The following ZNF536 variants were observed in gnomAD, a reference collection of about 807,000 sequenced individuals.
The protein encoded by ZNF536 is zinc finger protein 536.
In ZNF536, 13 loss-of-function variants were observed where a neutral mutation model predicts 84.5. That is an observed-to-expected ratio of 0.15 (90% CI 0.10 to 0.24). The LOEUF is 0.24. Among genes scored for constraint, ZNF536 ranks in the 10% least tolerant of loss-of-function variants. The pLI, the probability that ZNF536 is intolerant of heterozygous loss-of-function variation, is 1.00. For missense variants in ZNF536, 1,536 were observed against 1,747.5 expected (o/e 0.88, Z 2.16); for synonymous variants, 811 against 742.5 (o/e 1.09, Z -1.50).
At chr19:30,313,625 G>C (rs929615059) in intron 2 of ZNF536, among the ~76,000 whole-genome samples, 1 of 152,176 alleles carries the variant, frequency 6.6e-6, no homozygotes, top group Non-Finnish European at 1.5e-5. Flanking sequence ...GTCCAAGGTG[G>C]GGCTTGAAAG....
At chr19:30,254,246 T>C (rs1046317437) in intron 1 of ZNF536, among the ~76,000 whole-genome samples, 44 of 152,262 alleles carry the variant, frequency 2.9e-4, no homozygotes, top group Non-Finnish European at 6.2e-4. Context: ...CCACTATCTC[T>C]CCCCTGGTGC....
chr19:30,299,682 T>C (rs951987480), intron 2 of ZNF536, among the ~76,000 whole-genome samples: 3 of 152,190 alleles, frequency 2.0e-5, no homozygotes, highest in African/African-American at 7.2e-5. Flanking sequence ...CTGAGCAGGT[T>C]TGGTAAAAAT....
upstream of ZNF536, among the ~76,000 whole-genome samples, chr19:30,371,168 G>T (rs1028991570): frequency 6.6e-6 from 1 of 152,204 alleles, no homozygotes; most frequent in Non-Finnish European, 1.5e-5. Context: ...TAACAGTTCT[G>T]CAGTTTGAGA....
intron 1 of ZNF536, among the ~76,000 whole-genome samples, chr19:30,596,971 C>T (rs1410200011): frequency 6.6e-6 from 1 of 152,018 alleles, no homozygotes; most frequent in African/African-American, 2.4e-5. Flanking sequence ...GGGCTGTTTT[C>T]TTTTGCAATG....
chr19:30,291,587 C>T (rs1013381412), intron 2 of ZNF536, among the ~76,000 whole-genome samples: 2 of 152,084 alleles, frequency 1.3e-5, no homozygotes, highest in African/African-American at 4.8e-5. Flanking sequence ...TTCAAGACCC[C>T]ACTCTTAATT....
At position 30,413,265 on chromosome 19, in the gene ZNF536, G is replaced by T. The variant is rs76955796; in HGVS notation, c.-2-30296G>T. On this transcript the variant is annotated intron_variant, in intron 1 of 4. Transcript: ENST00000355537. ...GAATCCCTTCTTACTTTCATCAGGT[G>T]TATTTTTATTACCCCCCTCCCTAGT... Among the ~76,000 whole-genome samples the T allele has an allele frequency of 6.8e-3, 1,039 of 152,074 alleles. 13 individuals are homozygous for T. The highest frequency in any genetic ancestry group is 0.022 in the African/African-American group (915 of 41,498).
intron 1 of ZNF536, among the ~76,000 whole-genome samples, chr19:30,597,063 C>T (rs766553107): frequency 6.6e-6 from 1 of 152,130 alleles, no homozygotes; most frequent in Non-Finnish European, 1.5e-5. Context: ...TCAATTGTTA[C>T]TTAATCCCTT....
At chr19:30,510,526 C>T (rs2055365036) in intron 2 of ZNF536, among the ~76,000 whole-genome samples, 1 of 152,172 alleles carries the variant, frequency 6.6e-6, no homozygotes, top group African/African-American at 2.4e-5. Flanking sequence ...GCAGTGATAG[C>T]TTTAGGGAGG....
At chr19:30,375,654 T>A (rs2048788742) in intron 1 of ZNF536, among the ~76,000 whole-genome samples, 1 of 152,208 alleles carries the variant, frequency 6.6e-6, no homozygotes, top group African/African-American at 2.4e-5. Context: ...GGCATGAGTG[T>A]ACATGGCGTG....
intron 1 of ZNF536, among the ~76,000 whole-genome samples, chr19:30,700,475 ACTCTTGGG>A (rs1219605874): frequency 1.3e-5 from 2 of 151,612 alleles, no homozygotes; most frequent in East Asian, 3.9e-4. Flanking sequence ...GCAATCTCCA[ACTCTTGGG>A]CTCAAGTGAC....
intron 1 of ZNF536, among the ~76,000 whole-genome samples, chr19:30,261,297 CAAA>C (rs66862950): frequency 4.2e-5 from 1 of 23,574 alleles, no homozygotes; most frequent in Non-Finnish European, 8.3e-5. Flanking sequence ...GACTCCGTCT[CAAA>C]AAAAAAAAAA....
intron 1 of ZNF536, among the ~76,000 whole-genome samples, chr19:30,430,045 G>A (rs190623795): frequency 6.6e-6 from 1 of 151,650 alleles, no homozygotes; most frequent in Admixed American, 6.6e-5. Flanking sequence ...GGTGTGAAGG[G>A]TGGGGGAGGG....
At chr19:30,443,509 A>G (rs2148141578) in intron 1 of ZNF536, 52 bp from the exon 2 acceptor site, 1 of 1,499,812 alleles carries the variant, frequency 6.7e-7, no homozygotes, top group Non-Finnish European at 8.9e-7. Flanking sequence ...CTGTTGATTC[A>G]TGGCGCCACA....
intron 1 of ZNF536, among the ~76,000 whole-genome samples, chr19:30,245,615 C>G (rs1243547712): frequency 6.6e-6 from 1 of 152,214 alleles, no homozygotes; most frequent in African/African-American, 2.4e-5. Flanking sequence ...GACTCTCTCC[C>G]AGCCCACCAC....
intron 1 of ZNF536, among the ~76,000 whole-genome samples, chr19:30,584,617 C>T (rs1385087759): frequency 5.3e-5 from 8 of 152,184 alleles, no homozygotes; most frequent in Admixed American, 6.5e-5. Flanking sequence ...GTCCAGCCTT[C>T]GGGATTAGCT....
At chr19:30,534,200 C>T (rs2044975362) in intron 2 of ZNF536, among the ~76,000 whole-genome samples, 1 of 152,180 alleles carries the variant, frequency 6.6e-6, no homozygotes, top group Admixed American at 6.6e-5. Flanking sequence ...GCAGCTGAGT[C>T]TCTGCATATG....
intron 1 of ZNF536, among the ~76,000 whole-genome samples, chr19:30,601,204 C>G (rs142686598): frequency 5.4e-4 from 83 of 152,314 alleles, no homozygotes; most frequent in Non-Finnish European, 1.0e-3. Context: ...GACTAGACAG[C>G]TAAAGTGATT....
chr19:30,410,827 T>C (rs539104857), intron 1 of ZNF536, among the ~76,000 whole-genome samples: 1 of 152,342 alleles, frequency 6.6e-6, no homozygotes, highest in Non-Finnish European at 1.5e-5. Context: ...TTTCACCCTC[T>C]TCTCAAGAGG....
chr19:30,531,204 A>G (rs1321243115), intron 2 of ZNF536, among the ~76,000 whole-genome samples: 3 of 152,240 alleles, frequency 2.0e-5, no homozygotes, highest in East Asian at 3.8e-4. Context: ...TTACAAATTT[A>G]TTCTTTTTAT....
Sources: gnomAD v4.1 joint callset for allele counts (sites outside exome capture counted in the v4.1 genomes callset) on GRCh38, gnomAD v4.1.1 for gene constraint, MANE v1.5 for transcripts, NCBI Gene and HGNC (gene_info 2026-07-23, HGNC 2026-07-21) for gene names.